The following CACNA1E variants were observed in gnomAD, a reference collection of about 807,000 sequenced individuals.
CACNA1E encodes the protein voltage-dependent R-type calcium channel subunit alpha-1E.
Under a neutral mutation model 259.2 loss-of-function variants are expected in CACNA1E, and 40 were observed. The ratio of observed to expected loss-of-function variants is 0.15; its 90% CI spans 0.12 to 0.20. The LOEUF (loss-of-function observed/expected upper bound fraction) is 0.20, where lower values mean the gene tolerates loss of function less well. CACNA1E is among the 10% of genes least tolerant of loss of function. The pLI is 1.00. For missense variants in CACNA1E, 1,874 were observed against 3,040.1 expected, an observed-to-expected ratio of 0.62 and a Z score of 9.02; for synonymous variants, 1,104 against 1,138.5, an observed-to-expected ratio of 0.97 and a Z score of 0.61.
chr1:181,699,767 A>G (rs1451651714), intron 7 of CACNA1E, among the ~76,000 whole-genome samples: 1 of 152,146 alleles, frequency 6.6e-6, no homozygotes, highest in Non-Finnish European at 1.5e-5. Context: ...TAAGACTGCC[A>G]GGAATTGCTT....
chr1:181,606,266 T>C (rs940346334), intron 6 of CACNA1E, among the ~76,000 whole-genome samples: 13 of 152,200 alleles, frequency 8.5e-5, no homozygotes, highest in Admixed American at 5.2e-4. Flanking sequence ...AACTGAGGGC[T>C]TGATCCCTCT....
chr1:181,784,830 TG>T, intron 41 of CACNA1E, 62 bp downstream of exon 41: 2 of 989,284 alleles, frequency 2.0e-6, no homozygotes, highest in South Asian at 1.4e-5. Flanking sequence ...ACTACGTCTT[TG>T]GGGGGAACCC....
chr1:181,372,830 T>A (rs201916712), intron 1 of CACNA1E, among the ~76,000 whole-genome samples: 1,589 of 123,850 alleles, frequency 0.013, 15 homozygotes, highest in East Asian at 0.033. Context: ...ATATATATAT[T>A]TTTTTTTTAA....
chr1:181,678,374 C>T (rs1369772010), intron 7 of CACNA1E, among the ~76,000 whole-genome samples: 1 of 152,162 alleles, frequency 6.6e-6, no homozygotes, highest in Non-Finnish European at 1.5e-5. Context: ...GAAACAAAGT[C>T]ACCATTCACC....
chr1:181,799,182 T>G lies in CACNA1E; in HGVS notation c.*348T>G. 1.1e-5 allele frequency: 2 copies of G among 188,600 alleles called. No homozygotes were observed. The highest frequency in any genetic ancestry group is 2.2e-5 in the Non-Finnish European group (2 of 92,002). 11.7% of individuals were successfully genotyped at this position (188,600 alleles called of 1,614,324 possible). ...AAGCTGTGGAGGGATCTAGCTGGCC[T>G]ATGTCTACACTCAGTGCCCTGAGAA... On this transcript the variant is annotated 3_prime_UTR_variant, in exon 48 of 48. Coordinates refer to ENST00000367573, the MANE Select transcript of CACNA1E (RefSeq NM_001205293.3).
intron 6 of CACNA1E, among the ~76,000 whole-genome samples, chr1:181,583,103 TACACACACACACACACACACACACAC>T (rs34193608): frequency 1.4e-5 from 2 of 144,988 alleles, no homozygotes; most frequent in African/African-American, 5.2e-5. Context: ...GGACTGTTCC[TACACACACACACACACACACACACAC>T]ACACACACAC....
In CACNA1E at chr1:181,383,381, C is replaced by T. The variant is rs182236490; in HGVS notation, c.-14-29752C>T. On this transcript the variant is annotated intron_variant, in intron 1 of 11. Transcript: ENST00000524607. ...AAAAATTAGAAGGGAGCTAAGATTC[C>T]CTGGTGAATGCTGATTCATTTATCT... 1.4e-3 allele frequency among the ~76,000 whole-genome samples: 213 copies of T among 152,206 alleles called. 3 individuals carry two copies. The highest frequency in any genetic ancestry group is 6.8e-3 in the Middle Eastern group (2 of 294).
chr1:181,380,441 A>G (rs1312096371), intron 1 of CACNA1E, among the ~76,000 whole-genome samples: 1 of 152,210 alleles, frequency 6.6e-6, no homozygotes, highest in Non-Finnish European at 1.5e-5. Context: ...CATAGAAAAC[A>G]GAAAAGTCCG....
intron 2 of CACNA1E, among the ~76,000 whole-genome samples, chr1:181,448,394 GAAGTCCA>G: frequency 6.6e-6 from 1 of 152,324 alleles, no homozygotes; most frequent in East Asian, 1.9e-4. Flanking sequence ...TAACTTTCCT[GAAGTCCA>G]AAAGCTAGTA....
rs537348229 is a variant in CACNA1E at position 181,568,723 on chromosome 1, A to G, written c.513-9043A>G. Among the ~76,000 whole-genome samples the G allele has an allele frequency of 1.2e-3, 178 of 152,256 alleles. 1 individual carries two copies. Among genetic ancestry groups the G allele is most frequent in the African/African-American group, 4.1e-3 (170 of 41,568 alleles). ...ATTCTCCCACCTCAGCCTCCCAAGT[A>G]GCAGGGACTACAGACACATGCCACC... On this transcript the variant is annotated intron_variant, in intron 3 of 47. Transcript: ENST00000367573.
chr1:181,794,422 G>C (rs761006649), intron 45 of CACNA1E, among the ~76,000 whole-genome samples: 1 of 151,878 alleles, frequency 6.6e-6, no homozygotes, highest in African/African-American at 2.4e-5. Flanking sequence ...GCAGGGCAGG[G>C]CCTTCTCTGG....
chr1:181,384,220 G>C (rs1655671369), intron 1 of CACNA1E, among the ~76,000 whole-genome samples: 1 of 152,154 alleles, frequency 6.6e-6, no homozygotes, highest in Non-Finnish European at 1.5e-5. Flanking sequence ...ATGGTGTTAA[G>C]ACACGGAGAT....
At chr1:181,494,605 A>C (rs1336975249) in intron 1 of CACNA1E, among the ~76,000 whole-genome samples, 1 of 152,224 alleles carries the variant, frequency 6.6e-6, no homozygotes, top group East Asian at 1.9e-4. Context: ...ACTTCAAACA[A>C]GTGTATTATC....
intron 6 of CACNA1E, among the ~76,000 whole-genome samples, chr1:181,603,547 C>T (rs1344303708): frequency 2.6e-5 from 4 of 152,164 alleles, no homozygotes; most frequent in Non-Finnish European, 5.9e-5. Context: ...GAGAGAAAAG[C>T]AACCCCCTCC....
At chr1:181,516,329 C>T (rs144411248) in intron 3 of CACNA1E, among the ~76,000 whole-genome samples, 332 of 138,918 alleles carry the variant, frequency 2.4e-3, no homozygotes, top group African/African-American at 8.7e-3. Context: ...ATTTATTGAA[C>T]CATGTGCCAA....
intron 1 of CACNA1E, among the ~76,000 whole-genome samples, chr1:181,341,047 A>G (rs1436267257): frequency 1.3e-5 from 2 of 152,188 alleles, no homozygotes; most frequent in East Asian, 1.9e-4. Flanking sequence ...AGGAGGGACC[A>G]GGAAGAACTC....
At chr1:181,589,758 G>A (rs2103017129) in intron 6 of CACNA1E, among the ~76,000 whole-genome samples, 1 of 152,284 alleles carries the variant, frequency 6.6e-6, no homozygotes, top group Admixed American at 6.5e-5. Context: ...CTTCTGGACA[G>A]CCCATGTAGA....
intron 1 of CACNA1E, among the ~76,000 whole-genome samples, chr1:181,353,490 T>G (rs1653192442): frequency 1.3e-5 from 2 of 152,196 alleles, no homozygotes; most frequent in African/African-American, 4.8e-5. Context: ...AGGGGAACAT[T>G]CCAGATAGTA....
chr1:181,683,633 T>C (rs1369075245), intron 7 of CACNA1E, among the ~76,000 whole-genome samples: 1 of 152,200 alleles, frequency 6.6e-6, no homozygotes, highest in Non-Finnish European at 1.5e-5. Flanking sequence ...TGTTAACCTA[T>C]TTCTGTCCAT....
Sources: gnomAD v4.1 joint callset for allele counts (sites outside exome capture counted in the v4.1 genomes callset) on GRCh38, gnomAD v4.1.1 for gene constraint, MANE v1.5 for transcripts, NCBI Gene and HGNC (gene_info 2026-07-23, HGNC 2026-07-21) for gene names.